Variants in ADGRL3 observed in about 807,000 individuals in gnomAD.
The protein encoded by ADGRL3 is adhesion G protein-coupled receptor L3.
A neutral mutation model predicts 153.5 loss-of-function variants in ADGRL3; 62 were observed. The ratio of observed to expected loss-of-function variants is 0.40; its 90% CI spans 0.33 to 0.50. The LOEUF is 0.50. Ranked by LOEUF, ADGRL3 falls within the 20% of genes least tolerant of loss-of-function variation. The pLI, the probability that ADGRL3 is intolerant of heterozygous loss-of-function variation, is 0.47. For missense variants in ADGRL3, 1,641 were observed against 1,859.4 expected (o/e 0.88, Z 2.16); for synonymous variants, 710 against 672.5 (o/e 1.06, Z -0.86).
chr4:62,039,999 T>C (rs1467512076), intron 24 of ADGRL3, among the ~76,000 whole-genome samples: 1 of 152,172 alleles, frequency 6.6e-6, no homozygotes, highest in Non-Finnish European at 1.5e-5. Context: ...GTTAAGGCAG[T>C]GCAGCTCAAT....
At chr4:62,042,464 T>G (rs749957747) in intron 24 of ADGRL3, among the ~76,000 whole-genome samples, 1 of 151,870 alleles carries the variant, frequency 6.6e-6, no homozygotes, top group Non-Finnish European at 1.5e-5. Flanking sequence ...TACCTGTATC[T>G]GGAGAAGAGC....
chr4:61,558,086 G>A (rs992868430), intron 4 of ADGRL3, among the ~76,000 whole-genome samples: 2 of 147,512 alleles, frequency 1.4e-5, no homozygotes, highest in Non-Finnish European at 3.0e-5. Flanking sequence ...TTCAAAATTT[G>A]AGATACTTCT....
intron 1 of ADGRL3, among the ~76,000 whole-genome samples, chr4:61,328,704 T>C (rs2095512149): frequency 6.6e-6 from 1 of 152,176 alleles, no homozygotes; most frequent in Non-Finnish European, 1.5e-5. Context: ...TCAAGTTATT[T>C]AATTTTCAAA....
At chr4:61,700,070 T>G (rs964225014) in intron 6 of ADGRL3, among the ~76,000 whole-genome samples, 1 of 151,030 alleles carries the variant, frequency 6.6e-6, no homozygotes, top group Admixed American at 6.6e-5. Flanking sequence ...GAGGAAAGAG[T>G]AAGGAGGGAC....
chr4:61,598,948 A>G (rs940999919), intron 5 of ADGRL3, among the ~76,000 whole-genome samples: 4 of 152,194 alleles, frequency 2.6e-5, no homozygotes, highest in African/African-American at 4.8e-5. Flanking sequence ...ATATGACCCT[A>G]TGCCTTTTAG....
At chr4:61,871,280 A>G (rs78618878) in intron 9 of ADGRL3, among the ~76,000 whole-genome samples, 1 of 123,382 alleles carries the variant, frequency 8.1e-6, no homozygotes, top group Admixed American at 7.7e-5. Flanking sequence ...TCCATCTCAG[A>G]AAAAAAAAAA....
At chr4:61,329,250 T>A (rs1054891462) in intron 1 of ADGRL3, among the ~76,000 whole-genome samples, 5 of 152,102 alleles carry the variant, frequency 3.3e-5, no homozygotes, top group African/African-American at 1.2e-4. Flanking sequence ...AAAACAAGAT[T>A]TATAATTGAA....
At chr4:61,412,569 G>T (rs1044103923) in intron 2 of ADGRL3, among the ~76,000 whole-genome samples, 3 of 152,156 alleles carry the variant, frequency 2.0e-5, no homozygotes, top group African/African-American at 7.2e-5. Context: ...TACCACAACT[G>T]GAATGGTAAA....
At chr4:61,844,320 G>A (rs2098080750) in intron 9 of ADGRL3, among the ~76,000 whole-genome samples, 1 of 151,030 alleles carries the variant, frequency 6.6e-6, no homozygotes, top group Non-Finnish European at 1.5e-5. Context: ...GGCTGAGGTG[G>A]GTGGATCACC....
intron 1 of ADGRL3, among the ~76,000 whole-genome samples, chr4:61,321,686 G>T (rs1023263674): frequency 1.3e-5 from 2 of 151,570 alleles, no homozygotes; most frequent in African/African-American, 4.9e-5. Context: ...GTAACACAAT[G>T]TTAAGTATTT....
intron 1 of ADGRL3, among the ~76,000 whole-genome samples, chr4:61,320,433 A>C (rs1269276745): frequency 6.6e-6 from 1 of 152,282 alleles, no homozygotes; most frequent in South Asian, 2.1e-4. Flanking sequence ...TGGCTCACAT[A>C]ATTGTGGAGC....
At chr4:61,440,524 T>G (rs1425802008) in intron 2 of ADGRL3, among the ~76,000 whole-genome samples, 1 of 152,206 alleles carries the variant, frequency 6.6e-6, no homozygotes, top group Non-Finnish European at 1.5e-5. Flanking sequence ...CTCAAGAGAC[T>G]TCTCAGACTT....
intron 6 of ADGRL3, among the ~76,000 whole-genome samples, chr4:61,703,053 A>G (rs2095796602): frequency 2.6e-5 from 4 of 152,192 alleles, no homozygotes; most frequent in Admixed American, 2.6e-4. Flanking sequence ...ATTTTGACAC[A>G]AGGTATTTCT....
chr4:61,847,652 A>T (rs1349247308), intron 9 of ADGRL3, among the ~76,000 whole-genome samples: 19 of 59,508 alleles, frequency 3.2e-4, no homozygotes, highest in African/African-American at 1.5e-3. Flanking sequence ...ATAATATAAA[A>T]TATATTATAT....
chr4:61,831,186 G>A (rs988518489), intron 9 of ADGRL3, among the ~76,000 whole-genome samples: 4 of 151,982 alleles, frequency 2.6e-5, no homozygotes, highest in Non-Finnish European at 5.9e-5. Flanking sequence ...ACCACACCCG[G>A]CCTAGCTTTG....
chr4:61,290,034 G>A (rs1275931636), intron 1 of ADGRL3, among the ~76,000 whole-genome samples: 2 of 152,166 alleles, frequency 1.3e-5, no homozygotes, highest in African/African-American at 4.8e-5. Flanking sequence ...GTTGTATCTT[G>A]AAAAATGGAA....
At chr4:61,636,710 T>C (rs1423881414) in intron 5 of ADGRL3, among the ~76,000 whole-genome samples, 1 of 151,432 alleles carries the variant, frequency 6.6e-6, no homozygotes, top group East Asian at 1.9e-4. Context: ...TAAATTTTCA[T>C]TTATATAAAT....
intron 1 of ADGRL3, among the ~76,000 whole-genome samples, chr4:61,215,076 T>A (rs1742018764): frequency 1.3e-5 from 2 of 152,226 alleles, no homozygotes; most frequent in African/African-American, 4.8e-5. Flanking sequence ...GAATTTGATT[T>A]CATTGTAGTT....
chr4:61,484,444 G>T (rs1449429117), intron 2 of ADGRL3, among the ~76,000 whole-genome samples: 1 of 152,048 alleles, frequency 6.6e-6, no homozygotes, highest in Non-Finnish European at 1.5e-5. Flanking sequence ...TCAATTTTGC[G>T]AGGATTTAAA....
Sources: gnomAD v4.1 joint callset for allele counts (sites outside exome capture counted in the v4.1 genomes callset) on GRCh38, gnomAD v4.1.1 for gene constraint, MANE v1.5 for transcripts, NCBI Gene and HGNC (gene_info 2026-07-23, HGNC 2026-07-21) for gene names.